Variants in LIN54 observed in about 807,000 individuals in gnomAD.
The protein encoded by LIN54 is lin-54 DREAM MuvB core complex component.
Under a neutral mutation model 78.7 loss-of-function variants are expected in LIN54, and 9 were observed. The observed-to-expected ratio is 0.11, with a 90% CI of 0.07 to 0.20. The LOEUF (loss-of-function observed/expected upper bound fraction) is 0.20, where lower values mean the gene tolerates loss of function less well. Ranked by LOEUF, LIN54 falls within the 10% of genes least tolerant of loss-of-function variation. LIN54 has a pLI of 1.00. For missense variants in LIN54, 573 were observed against 889.9 expected (o/e 0.64, Z 4.53); for synonymous variants, 269 against 318.4 (o/e 0.84, Z 1.65).
In LIN54 at chr4:82,926,306, A is replaced by G. The variant is rs1311539085; in HGVS notation, c.*1796T>C. 6.6e-6 allele frequency: 1 copy of G among 152,506 alleles called. No individual in the cohort carries two copies. Among genetic ancestry groups the G allele is most frequent in the Non-Finnish European group, 1.5e-5 (1 of 67,996 alleles). The allele number at this position is 152,506 out of a possible 1,614,324, so 9.4% of individuals were successfully genotyped here. A position where few individuals can be genotyped will look rare whatever the true frequency, so the allele number is the denominator to read the frequency against. Reference sequence around the variant, plus strand: ...TCTTACACTAATTTACATTTATACAAATTTTAATTAAACATACTAGATTGA... The same window carrying G: ...TCTTACACTAATTTACATTTATACAGATTTTAATTAAACATACTAGATTGA... On this transcript the variant is annotated 3_prime_UTR_variant, in exon 13 of 13. Coordinates refer to ENST00000340417, the MANE Select transcript of LIN54 (RefSeq NM_194282.4).
chr4:82,994,746 T>C (rs1243417971), intron 1 of LIN54, among the ~76,000 whole-genome samples: 4 of 151,996 alleles, frequency 2.6e-5, no homozygotes, highest in Non-Finnish European at 4.4e-5. Flanking sequence ...TCTATTTATG[T>C]CAGTTAGCAA....
chr4:82,936,775 T>C (rs1722429173), intron 9 of LIN54, among the ~76,000 whole-genome samples: 1 of 152,244 alleles, frequency 6.6e-6, no homozygotes, highest in Non-Finnish European at 1.5e-5. Flanking sequence ...ATCTGAGTTA[T>C]AGTAATAGTA....
At chr4:82,949,845 CTTTTT>C (rs370091580) in intron 4 of LIN54, among the ~76,000 whole-genome samples, 3 of 126,462 alleles carry the variant, frequency 2.4e-5, no homozygotes, top group Admixed American at 9.0e-5. Flanking sequence ...TTTATTTTTG[CTTTTT>C]TTTTTTTTTT....
intron 5 of LIN54, among the ~76,000 whole-genome samples, chr4:82,942,026 G>A (rs1722943333): frequency 6.6e-6 from 1 of 152,242 alleles, no homozygotes; most frequent in South Asian, 2.1e-4. Context: ...TTTCACTGAT[G>A]TAAAAGTAAG....
rs553027669 is a variant in LIN54, at chr4:82,925,415, A to G, written c.*2687T>C. ...TTCACCATGTAGCCTGGGCTGGTCTAGAACTCCTGGACTCAAGTGATTCAC... is the reference window on the plus strand; with the variant it reads ...TTCACCATGTAGCCTGGGCTGGTCTGGAACTCCTGGACTCAAGTGATTCAC... On this transcript the variant is annotated 3_prime_UTR_variant, in exon 13 of 13. Transcript: ENST00000340417. The G allele has an allele frequency of 1.3e-5, 2 of 152,396 alleles. No individual in the cohort carries two copies. Among genetic ancestry groups the G allele is most frequent in the East Asian group, 3.9e-4 (2 of 5,190 alleles). The allele number at this position is 152,396 out of a possible 1,614,324, so 9.4% of individuals were successfully genotyped here.
At chr4:82,952,706 ACTC>A (rs1420117954) in intron 4 of LIN54, among the ~76,000 whole-genome samples, 1 of 152,212 alleles carries the variant, frequency 6.6e-6, no homozygotes, top group Non-Finnish European at 1.5e-5. Context: ...GGTGGAAACA[ACTC>A]AAGTGTCCAC....
chr4:82,974,257 G>C (rs536770996), intron 3 of LIN54, among the ~76,000 whole-genome samples: 60 of 152,106 alleles, frequency 3.9e-4, no homozygotes, highest in African/African-American at 1.4e-3. Flanking sequence ...ATTGTGCTAG[G>C]TTCTGGGAAG....
intron 1 of LIN54, among the ~76,000 whole-genome samples, chr4:82,989,206 C>T (rs191630306): frequency 9.9e-5 from 15 of 151,830 alleles, no homozygotes; most frequent in Admixed American, 9.9e-4. Flanking sequence ...AAAAAAATAC[C>T]AGGTTTACAG....
At chr4:82,995,750 C>T (rs375822496) in intron 1 of LIN54, among the ~76,000 whole-genome samples, 68 of 151,958 alleles carry the variant, frequency 4.5e-4, no homozygotes, top group African/African-American at 1.1e-3. Context: ...CCACCCGCCT[C>T]GGTCTCCCAA....
chr4:82,938,610 AAC>A (rs750300581), intron 7 of LIN54, 106 bp from the exon 8 acceptor site: 4 of 654,750 alleles, frequency 6.1e-6, no homozygotes, highest in Non-Finnish European at 2.7e-6. Flanking sequence ...AGATAAGAAA[AAC>A]ACAATGGAGA....
At position 82,939,523 on chromosome 4, in the gene LIN54, C is replaced by A; in HGVS notation, c.1440+16G>T. 1.9e-6 allele frequency: 3 copies of A among 1,606,926 alleles called. No individual in the cohort carries two copies. Among genetic ancestry groups the A allele is most frequent in the South Asian group, 1.1e-5 (1 of 90,936 alleles). On this transcript the variant is annotated intron_variant, in intron 7 of 12. Coordinates refer to ENST00000340417, the MANE Select transcript of LIN54 (RefSeq NM_194282.4). ...TATCACTTTTGCAATACAATGACTT[C>A]ATTTTTTCCACATACCTGAGTAACA...
At chr4:83,009,270 T>C (rs905101172) in intron 1 of LIN54, among the ~76,000 whole-genome samples, 15 of 152,208 alleles carry the variant, frequency 9.9e-5, no homozygotes, top group African/African-American at 3.1e-4. Context: ...TTACATATAC[T>C]CTTTGTAGAC....
chr4:82,998,011 A>AATT (rs1207838968), intron 1 of LIN54, among the ~76,000 whole-genome samples: 4 of 99,750 alleles, frequency 4.0e-5, no homozygotes, highest in Admixed American at 8.4e-5. Flanking sequence ...AAAAAATAAT[A>AATT]ATATATATAT....
chr4:82,946,920 T>A (rs1443500554), intron 4 of LIN54, among the ~76,000 whole-genome samples: 1 of 151,938 alleles, frequency 6.6e-6, no homozygotes, highest in Non-Finnish European at 1.5e-5. Context: ...ATGTTCTGTA[T>A]GTTTTGTATT....
intron 5 of LIN54, among the ~76,000 whole-genome samples, chr4:82,943,098 C>T (rs1385144703): frequency 1.3e-5 from 2 of 152,028 alleles, no homozygotes; most frequent in African/African-American, 4.8e-5. Context: ...TCCTCCTTAC[C>T]TTAGCGCACA....
intron 1 of LIN54, among the ~76,000 whole-genome samples, chr4:83,004,375 G>A (rs1003548799): frequency 6.8e-6 from 1 of 146,408 alleles, no homozygotes; most frequent in African/African-American, 2.6e-5. Context: ...CTCCAGCCTG[G>A]GTGACAGAGT....
chr4:82,979,975 C>T (rs1726499305), intron 2 of LIN54, among the ~76,000 whole-genome samples: 1 of 102,440 alleles, frequency 9.8e-6, no homozygotes, highest in South Asian at 3.0e-4. Flanking sequence ...AATACTGGGT[C>T]TCATCTCGTC....
At chr4:83,008,606 C>CGCGCCACTGCACTCTAGCCT (rs1397683962) in intron 1 of LIN54, among the ~76,000 whole-genome samples, 2 of 152,064 alleles carry the variant, frequency 1.3e-5, no homozygotes, top group South Asian at 2.1e-4. Flanking sequence ...GAGCCAAGAT[C>CGCGCCACTGCACTCTAGCCT]GCGCCACTGC....
chr4:82,966,668 G>A (rs1560753516), intron 4 of LIN54, among the ~76,000 whole-genome samples: 3 of 152,062 alleles, frequency 2.0e-5, no homozygotes, highest in South Asian at 2.1e-4. Flanking sequence ...AACCAGGCTG[G>A]AGTGCAGTGG....
Sources: gnomAD v4.1 joint callset for allele counts (sites outside exome capture counted in the v4.1 genomes callset) on GRCh38, gnomAD v4.1.1 for gene constraint, MANE v1.5 for transcripts, NCBI Gene and HGNC (gene_info 2026-07-23, HGNC 2026-07-21) for gene names.